The following NRF1 variants were observed in gnomAD, a reference collection of about 807,000 sequenced individuals.
The protein encoded by NRF1 is nuclear respiratory factor 1.
NRF1 carries 5 observed loss-of-function variants against 58.5 expected under a neutral mutation model. That is an observed-to-expected ratio of 0.09 (90% confidence interval 0.04 to 0.18). The LOEUF is 0.18. NRF1 is among the 10% of genes least tolerant of loss of function. The pLI is 1.00. For synonymous variants in NRF1, 224 were observed against 246.7 expected (o/e 0.91, Z 0.86); for missense variants, 288 against 657.7 (o/e 0.44, Z 6.15).
chr7:129,728,656 CAT>C (rs969818476), intron 10 of NRF1, among the ~76,000 whole-genome samples: 36 of 152,140 alleles, frequency 2.4e-4, no homozygotes, highest in African/African-American at 8.5e-4. Context: ...TGAAGAAAGA[CAT>C]AGTGCTGTGT....
intron 10 of NRF1, among the ~76,000 whole-genome samples, chr7:129,753,136 AT>A (rs55716608): frequency 0.85 from 129,503 of 152,148 alleles, 55,716 homozygotes; most frequent in East Asian, 0.94. Flanking sequence ...CTTATATTTG[AT>A]TTTTTTTGCA....
chr7:129,730,752 G>A (rs1237683530), intron 10 of NRF1, among the ~76,000 whole-genome samples: 2 of 152,054 alleles, frequency 1.3e-5, no homozygotes, highest in Admixed American at 1.3e-4. Flanking sequence ...GAGGTAGGAG[G>A]ATTGCTTGAG....
At chr7:129,701,345 C>G (rs536127524) in intron 5 of NRF1, among the ~76,000 whole-genome samples, 1 of 151,966 alleles carries the variant, frequency 6.6e-6, no homozygotes, top group Admixed American at 6.6e-5. Context: ...ATGCCTGTAT[C>G]CCAGCACTTT....
In NRF1 at chr7:129,696,436, C is replaced by A. The variant is rs898454337; in HGVS notation, c.606+5890C>A. Among the ~76,000 whole-genome samples the A allele has an allele frequency of 2.0e-5, 3 of 152,064 alleles. 1 individual carries two copies. Among genetic ancestry groups the A allele is most frequent in the African/African-American group, 7.2e-5 (3 of 41,414 alleles). Reference sequence around the variant, plus strand: ...TCTTTACAGGGGCATCTCATTTAATCCACCTTTCTGTGTGTGTGTATGTGT... The same window carrying A: ...TCTTTACAGGGGCATCTCATTTAATACACCTTTCTGTGTGTGTGTATGTGT... On this transcript the variant is annotated intron_variant, in intron 5 of 10. Coordinates refer to ENST00000393232, the MANE Select transcript of NRF1 (RefSeq NM_005011.5).
intron 1 of NRF1, among the ~76,000 whole-genome samples, chr7:129,618,350 G>T (rs1266505778): frequency 6.6e-6 from 1 of 152,140 alleles, no homozygotes; most frequent in African/African-American, 2.4e-5. Flanking sequence ...GGAGCTCAAG[G>T]GGACATTGGG....
At position 129,739,425 on chromosome 7, in the gene NRF1, C is replaced by T. The variant is rs186748673; in HGVS notation, c.1348+12060C>T. Among the ~76,000 whole-genome samples the T allele has an allele frequency of 3.0e-4, 46 of 152,020 alleles. No homozygotes were observed. The East Asian group carries it at 8.1e-3, about 27-fold the overall frequency. ...GCTGATCTAAGGGCTATATCAATAA[C>T]ACTGTGGTCTCCTGGCAAGTTGTAC... is the stretch of plus-strand genomic sequence containing the variant. On this transcript the variant is annotated intron_variant, in intron 10 of 10. Transcript: ENST00000393232.
At chr7:129,644,837 AATAC>A (rs1451218318) in intron 1 of NRF1, among the ~76,000 whole-genome samples, 1 of 152,178 alleles carries the variant, frequency 6.6e-6, no homozygotes, top group Non-Finnish European at 1.5e-5. Flanking sequence ...GTGTTCTAGT[AATAC>A]ATAGTCTATT....
intron 8 of NRF1, among the ~76,000 whole-genome samples, chr7:129,713,586 T>C (rs1214875137): frequency 6.6e-6 from 1 of 152,232 alleles, no homozygotes; most frequent in Non-Finnish European, 1.5e-5. Flanking sequence ...GTAAACACTT[T>C]TTGAGCCCTG....
chr7:129,634,040 AAAGAT>A lies in NRF1; in HGVS notation c.-7+22218_-7+22222del, dbSNP rs1412071220. Reference sequence around the variant, plus strand: ...TTTACATCTGTATTTAAAAAAAAAAAAAGATATATATATATATATATACACACACA... The same window carrying A: ...TTTACATCTGTATTTAAAAAAAAAAAATATATATATATATATACACACACA... On this transcript the variant is annotated intron_variant, in intron 1 of 10. Transcript: ENST00000393232. Among the ~76,000 whole-genome samples, 8 of 89,662 alleles carry A rather than the reference AAAGAT, an allele frequency of 8.9e-5. No homozygotes were observed. The South Asian group carries it at 2.2e-3, about 24-fold the overall frequency. The allele number at this position is 89,662 out of a possible 152,430, so 58.8% of individuals were successfully genotyped here.
chr7:129,620,868 T>C (rs777031688), intron 1 of NRF1, among the ~76,000 whole-genome samples: 9 of 152,232 alleles, frequency 5.9e-5, no homozygotes, highest in Non-Finnish European at 1.0e-4. Context: ...TCTAGTGATA[T>C]GGGGCAAGAC....
intron 9 of NRF1, among the ~76,000 whole-genome samples, chr7:129,725,485 AC>A (rs1462287779): frequency 1.3e-5 from 2 of 151,762 alleles, no homozygotes; most frequent in Admixed American, 1.3e-4. Flanking sequence ...GCACCACCAC[AC>A]CTGGCTAATT....
intron 2 of NRF1, among the ~76,000 whole-genome samples, chr7:129,669,326 A>G (rs1801994158): frequency 6.6e-6 from 1 of 152,166 alleles, no homozygotes; most frequent in Non-Finnish European, 1.5e-5. Context: ...ACTATATGCA[A>G]ATTTTACCTC....
intron 4 of NRF1, among the ~76,000 whole-genome samples, chr7:129,686,259 G>A (rs1802442139): frequency 6.6e-6 from 1 of 152,132 alleles, no homozygotes; most frequent in African/African-American, 2.4e-5. Flanking sequence ...GAGCTCAAGA[G>A]GTGTCATTCA....
chr7:129,718,873 C>T (rs1803250662), intron 9 of NRF1, among the ~76,000 whole-genome samples: 1 of 152,096 alleles, frequency 6.6e-6, no homozygotes, highest in African/African-American at 2.4e-5. Flanking sequence ...CTTGTTTTCC[C>T]CATTGTTATA....
chr7:129,704,549 C>T (rs562238577), intron 5 of NRF1, among the ~76,000 whole-genome samples: 10 of 152,054 alleles, frequency 6.6e-5, no homozygotes, highest in Non-Finnish European at 1.5e-4. Flanking sequence ...TTGAGTACCC[C>T]CTGCCTGAAA....
Position 129,707,202 on chromosome 7 carries a change from C to CA in NRF1, c.607-1871dup, listed in dbSNP as rs200169801. On this transcript the variant is annotated intron_variant, in intron 5 of 10. Transcript: ENST00000393232. ...AGAGACAGAGTCCCACTGTGTTGCC[C>CA]AAGCTGGTCTCAAACTCCTGGTCTC... Among the ~76,000 whole-genome samples, 1,359 of 152,242 alleles carry CA rather than the reference C, an allele frequency of 8.9e-3. 22 individuals carry two copies. Among genetic ancestry groups the CA allele is most frequent in the African/African-American group, 0.031 (1,290 of 41,544 alleles).
intron 1 of NRF1, among the ~76,000 whole-genome samples, chr7:129,621,666 AAAG>A (rs1800799163): frequency 6.6e-6 from 1 of 152,188 alleles, no homozygotes; most frequent in African/African-American, 2.4e-5. Context: ...TGCTAAGTCT[AAAG>A]AAGAAGTAAT....
intron 4 of NRF1, among the ~76,000 whole-genome samples, chr7:129,684,356 A>C (rs1452134951): frequency 2.2e-4 from 33 of 152,232 alleles, no homozygotes; most frequent in Non-Finnish European, 4.4e-5. Flanking sequence ...ATTGTAAGAA[A>C]AGGCTATGTA....
At chr7:129,658,695 G>A (rs190200680) in intron 2 of NRF1, among the ~76,000 whole-genome samples, 30 of 151,584 alleles carry the variant, frequency 2.0e-4, no homozygotes, top group Admixed American at 5.9e-4. Flanking sequence ...TGCATTTCAT[G>A]CGCCCATCCT....
Sources: allele counts gnomAD v4.1 joint callset (sites outside exome capture counted in the v4.1 genomes callset), GRCh38; gene constraint gnomAD v4.1.1; transcripts MANE v1.5; gene names NCBI Gene and HGNC (gene_info 2026-07-23, HGNC 2026-07-21).